The following LIN7C variants were observed in gnomAD, a reference collection of about 807,000 sequenced individuals.
The protein encoded by LIN7C is lin-7 cell polarity scaffold C, also known as protein lin-7 homolog C.
LIN7C carries 17 observed loss-of-function variants against 24.7 expected under a neutral mutation model. The ratio of observed to expected loss-of-function variants is 0.69; its 90% CI spans 0.47 to 1.03. LIN7C has a LOEUF of 1.03. Ranked by LOEUF, LIN7C falls within the 50% of genes least tolerant of loss-of-function variation. The probability of loss-of-function intolerance (pLI) is 0.00; values close to 1 mark genes in which losing one functional copy is unlikely to be tolerated. For missense variants in LIN7C, 204 were observed against 239.0 expected (o/e 0.85, Z 0.97); for synonymous variants, 90 against 83.4 (o/e 1.08, Z -0.43).
Position 27,499,601 on chromosome 11 carries a change from C to T in LIN7C, c.229-33G>A, listed in dbSNP as rs768316379. ...AAAGTTTTACATATTAAAAATATGA[C>T]TTTTATTTACTTCAGTTCTTTCATC... On this transcript the variant is annotated intron_variant, in intron 3 of 4. Transcript: ENST00000278193. 3 of 1,555,420 alleles carry T rather than the reference C, an allele frequency of 1.9e-6. No individual in the cohort carries two copies. In the Admixed American group the frequency reaches 5.1e-5, roughly 26 times the overall value.
intron 1 of LIN7C, among the ~76,000 whole-genome samples, chr11:27,505,145 C>A (rs984560571): frequency 6.6e-6 from 1 of 152,096 alleles, no homozygotes; most frequent in Non-Finnish European, 1.5e-5. Context: ...CCAGCCTGGG[C>A]AACACGGTGA....
At chr11:27,505,704 G>A (rs11030037) in intron 1 of LIN7C, among the ~76,000 whole-genome samples, 1 of 152,214 alleles carries the variant, frequency 6.6e-6, no homozygotes, top group Non-Finnish European at 1.5e-5. Flanking sequence ...GGGAACAATA[G>A]TAATATTTAG....
chr11:27,501,572 A>G lies in LIN7C; in HGVS notation c.157-6T>C. 1 of 1,559,528 alleles carries G rather than the reference A, an allele frequency of 6.4e-7. No homozygotes were observed. The highest frequency in any genetic ancestry group is 8.7e-7 in the Non-Finnish European group (1 of 1,150,108). On this transcript the variant is annotated splice_region_variant and splice_polypyrimidine_tract_variant and intron_variant, in intron 2 of 4. Transcript: ENST00000278193. ...TCATAGACATGTTCATATACCTGTA[A>G]AAGCCAAAGTTATATCTCAGAATAT...
At position 27,495,034 on chromosome 11, in the gene LIN7C, T is replaced by A. The variant is rs1173168948; in HGVS notation, c.*3615A>T. ...AGGTCATGCTGACATTCTTTTTGGA[T>A]AAGCCATAACCATTTCTTCTATTAA... On this transcript the variant is annotated 3_prime_UTR_variant, in exon 5 of 5. Coordinates refer to ENST00000278193, the MANE Select transcript of LIN7C (RefSeq NM_018362.4). 5.2e-5 allele frequency: 8 copies of A among 152,812 alleles called. No homozygotes were observed. The East Asian group carries it at 9.6e-4, about 18-fold the overall frequency. 9.5% of individuals were successfully genotyped at this position (152,812 alleles called of 1,614,324 possible).
intron 1 of LIN7C, among the ~76,000 whole-genome samples, chr11:27,505,981 TTCTCTA>T (rs1449459732): frequency 1.3e-5 from 2 of 152,224 alleles, no homozygotes; most frequent in East Asian, 1.9e-4. Flanking sequence ...TTTCGTAGGC[TTCTCTA>T]TCTCTAATTA....
In LIN7C at chr11:27,498,781, T is replaced by C; in HGVS notation, c.462A>G (p.Glu154=). 6.2e-7 allele frequency: 1 copy of C among 1,614,008 alleles called. No homozygotes were observed. Among genetic ancestry groups the C allele is most frequent in the South Asian group, 1.1e-5 (1 of 91,046 alleles). The part of the protein sequence containing the change: ...NGVSVEGEHH[E]KAVELLKAAQ... ...CGGCTTTCAGCAGTTCTACAGCTTT[T>C]TCATGATGTTCTCCTTCAACACTCT... is the stretch of plus-strand genomic sequence containing the variant. The change falls in exon 5 of 5, where the codon GAA becomes GAG. Residue 154 remains glutamate (E), a synonymous_variant. Transcript: ENST00000278193.
chr11:27,501,137 G>T (rs1039689911), intron 3 of LIN7C, among the ~76,000 whole-genome samples: 11 of 152,188 alleles, frequency 7.2e-5, no homozygotes, highest in Non-Finnish European at 1.3e-4. Flanking sequence ...ATAAGATGAG[G>T]ATAGTAATTC....
chr11:27,498,603 CT>C lies in LIN7C; in HGVS notation c.*45del, dbSNP rs757642356. ...AGCCATTAGTAAGTCACAAGGAAAA[CT>C]TCTCTAGCTAAAACGCAAAATGAAA... On this transcript the variant is annotated 3_prime_UTR_variant, in exon 5 of 5. Transcript: ENST00000278193. 1 of 1,574,568 alleles carries C rather than the reference CT, an allele frequency of 6.4e-7. No homozygotes were observed. The highest frequency in any genetic ancestry group is 1.2e-5 in the South Asian group (1 of 85,786).
chr11:27,497,339 T>A lies in LIN7C; in HGVS notation c.*1310A>T, dbSNP rs558246078. The A allele has an allele frequency of 6.6e-6, 1 of 152,570 alleles. No individual in the cohort carries two copies. The highest frequency in any genetic ancestry group is 1.5e-5 in the Non-Finnish European group (1 of 67,980). 9.5% of individuals were successfully genotyped at this position (152,570 alleles called of 1,614,324 possible). ...CATCTTCTAACATTTGTCACTTAAATTTTTCTTAAAGTACAAATGTTCCTG... is the reference window on the plus strand; with the variant it reads ...CATCTTCTAACATTTGTCACTTAAAATTTTCTTAAAGTACAAATGTTCCTG... On this transcript the variant is annotated 3_prime_UTR_variant, in exon 5 of 5. Transcript: ENST00000278193.
intron 1 of LIN7C, among the ~76,000 whole-genome samples, chr11:27,502,541 T>A (rs943953940): frequency 6.6e-6 from 1 of 151,948 alleles, no homozygotes; most frequent in Non-Finnish European, 1.5e-5. Context: ...TAATTAACAC[T>A]GTTAATTCAA....
rs984548741 is a variant in LIN7C at position 27,496,440 on chromosome 11, C to T, written c.*2209G>A. 2 of 152,172 alleles carry T rather than the reference C, an allele frequency of 1.3e-5. No individual in the cohort carries two copies. Among genetic ancestry groups the T allele is most frequent in the African/African-American group, 2.4e-5 (1 of 41,438 alleles). 9.4% of individuals were successfully genotyped at this position (152,172 alleles called of 1,614,324 possible). On this transcript the variant is annotated 3_prime_UTR_variant, in exon 5 of 5. Transcript: ENST00000278193. ...ATTTCCTCACTGCACTAAACCACCA[C>T]TGTACATCTTTGCCAATGAATGACT...
At position 27,499,623 on chromosome 11, in the gene LIN7C, C is replaced by A. The variant is rs533716128; in HGVS notation, c.229-55G>T. On this transcript the variant is annotated intron_variant, in intron 3 of 4. Transcript: ENST00000278193. The stretch of plus-strand genomic sequence containing the variant: ...TGACTTTTATTTACTTCAGTTCTTT[C>A]ATCTTTTGTTTCCCCCCGAGATGGA... The A allele has an allele frequency of 6.0e-6, 9 of 1,497,616 alleles. No homozygotes were observed. In the African/African-American group the frequency reaches 1.2e-4, roughly 21 times the overall value. The allele number at this position is 1,497,616 out of a possible 1,614,324, so 92.8% of individuals were successfully genotyped here.
intron 3 of LIN7C, 42 bp downstream of exon 3, chr11:27,501,453 A>G: frequency 8.1e-7 from 1 of 1,235,028 alleles, no homozygotes; most frequent in Non-Finnish European, 1.2e-6. Context: ...TAAACTTCTA[A>G]TTTATGAAGA....
intron 1 of LIN7C, among the ~76,000 whole-genome samples, chr11:27,502,433 G>A (rs948167934): frequency 3.3e-5 from 5 of 152,076 alleles, no homozygotes; most frequent in South Asian, 2.1e-4. Context: ...ATAACCACTC[G>A]AGAGCAGATG....
Position 27,495,502 on chromosome 11 carries a change from A to C in LIN7C, c.*3147T>G, listed in dbSNP as rs991320624. ...AAAAACAAAAACAAAAAACAAAAAA[A>C]AAATTTGAATCGTCAAATCCTAAAG... On this transcript the variant is annotated 3_prime_UTR_variant, in exon 5 of 5. Transcript: ENST00000278193. 1.3e-5 allele frequency: 2 copies of C among 152,020 alleles called. No individual in the cohort carries two copies. The highest frequency in any genetic ancestry group is 2.9e-5 in the Non-Finnish European group (2 of 68,124). The allele number at this position is 152,020 out of a possible 1,614,324, so 9.4% of individuals were successfully genotyped here.
chr11:27,494,757 T>C lies in LIN7C; in HGVS notation c.*3892A>G, dbSNP rs1865146467. ...AGTCAATACAAATTAGTCTCAAAGT[T>C]CTTGAAAATTAATAAGTGATTTTTC... On this transcript the variant is annotated 3_prime_UTR_variant, in exon 5 of 5. Coordinates refer to ENST00000278193, the MANE Select transcript of LIN7C (RefSeq NM_018362.4). The C allele has an allele frequency of 6.6e-6, 1 of 152,214 alleles. No homozygotes were observed. Among genetic ancestry groups the C allele is most frequent in the Non-Finnish European group, 1.5e-5 (1 of 68,032 alleles). The allele number at this position is 152,214 out of a possible 1,614,324, so 9.4% of individuals were successfully genotyped here.
At position 27,497,892 on chromosome 11, in the gene LIN7C, C is replaced by T. The variant is rs1253151992; in HGVS notation, c.*757G>A. On this transcript the variant is annotated 3_prime_UTR_variant, in exon 5 of 5. Coordinates refer to ENST00000278193, the MANE Select transcript of LIN7C (RefSeq NM_018362.4). ...ATTTATAATTTGATGTACGGTTGAA[C>T]ATAAATAGGGATGTAATAAGTAATG... 3.3e-5 allele frequency: 5 copies of T among 152,082 alleles called. No individual in the cohort carries two copies. In the South Asian group the frequency reaches 1.0e-3, roughly 32 times the overall value. The allele number at this position is 152,082 out of a possible 1,614,324, so 9.4% of individuals were successfully genotyped here. A position where few individuals can be genotyped will look rare whatever the true frequency, so the allele number is the denominator to read the frequency against.
chr11:27,499,313 G>A (rs1444291637), intron 4 of LIN7C, 46 bp downstream of exon 4: 1 of 1,513,366 alleles, frequency 6.6e-7, no homozygotes, highest in Non-Finnish European at 9.1e-7. Flanking sequence ...ACGCCCCCAG[G>A]TGGTCACAAC....
At position 27,501,791 on chromosome 11, in the gene LIN7C, T is replaced by A. The variant is rs1408465377; in HGVS notation, c.156+11A>T. The A allele has an allele frequency of 6.5e-7, 1 of 1,540,168 alleles. No homozygotes were observed. The highest frequency in any genetic ancestry group is 9.0e-7 in the Non-Finnish European group (1 of 1,116,430). The stretch of plus-strand genomic sequence containing the variant: ...CTCAAATTTTTGTAAATTTTAATGA[T>A]GTTTACTCACCTCTCTCACAGCATT... On this transcript the variant is annotated intron_variant, in intron 2 of 4. Coordinates refer to ENST00000278193, the MANE Select transcript of LIN7C (RefSeq NM_018362.4).
Sources: gnomAD v4.1 joint callset for allele counts (sites outside exome capture counted in the v4.1 genomes callset) on GRCh38, gnomAD v4.1.1 for gene constraint, MANE v1.5 for transcripts, NCBI Gene and HGNC (gene_info 2026-07-23, HGNC 2026-07-21) for gene names.